The following BMP3 variants were observed in gnomAD, a reference collection of about 807,000 sequenced individuals.
The protein encoded by BMP3 is bone morphogenetic protein 3 (osteogenic).
A neutral mutation model predicts 38.1 loss-of-function variants in BMP3; 23 were observed. The observed-to-expected ratio is 0.60, with a 90% CI of 0.43 to 0.86. The LOEUF (loss-of-function observed/expected upper bound fraction) is 0.86. Ranked by LOEUF, BMP3 falls within the 40% of genes least tolerant of loss-of-function variation. The pLI is 0.00. For synonymous variants in BMP3, 258 were observed against 225.7 expected (o/e 1.14, Z -1.28); for missense variants, 628 against 579.6 (o/e 1.08, Z -0.86).
rs542359942 is a variant in BMP3 at position 81,047,127 on chromosome 4, T to C, written c.1227+479T>C. Among the ~76,000 whole-genome samples, 7 of 152,256 alleles carry C rather than the reference T, an allele frequency of 4.6e-5. No homozygotes were observed. The East Asian group carries it at 9.7e-4, about 21-fold the overall frequency. On this transcript the variant is annotated intron_variant, in intron 2 of 2. Transcript: ENST00000282701. ...AAATACCCTCTTGTGAGCTAAGTTG[T>C]CCCCACAGAGGTCAGGATCAGGATT...
chr4:81,056,129 T>C lies in BMP3; in HGVS notation c.*2593T>C, dbSNP rs1338406556. ...GTTTTACAAATTGTTAGGTACTAGT[T>C]TCTGTATAATTCCTACACAGAAGCT... On this transcript the variant is annotated 3_prime_UTR_variant, in exon 3 of 3. Coordinates refer to ENST00000282701, the MANE Select transcript of BMP3 (RefSeq NM_001201.5). 6.6e-6 allele frequency: 1 copy of C among 152,138 alleles called. No individual in the cohort carries two copies. The highest frequency in any genetic ancestry group is 6.6e-5 in the Admixed American group (1 of 15,258). The allele number at this position is 152,138 out of a possible 1,614,324, so 9.4% of individuals were successfully genotyped here. A position where few individuals can be genotyped will look rare whatever the true frequency, so the allele number is the denominator to read the frequency against.
intron 1 of BMP3, among the ~76,000 whole-genome samples, chr4:81,038,888 G>A (rs1739991694): frequency 6.6e-6 from 1 of 152,198 alleles, no homozygotes; most frequent in South Asian, 2.1e-4. Flanking sequence ...GTCTAGGAAT[G>A]CCTTTGGGCA....
chr4:81,052,842 G>T (rs1007506097), intron 2 of BMP3, among the ~76,000 whole-genome samples: 2 of 152,076 alleles, frequency 1.3e-5, no homozygotes, highest in Non-Finnish European at 2.9e-5. Flanking sequence ...ATATAGCAGT[G>T]GCAATAATGT....
intron 2 of BMP3, among the ~76,000 whole-genome samples, chr4:81,048,246 T>C (rs750076328): frequency 6.6e-6 from 1 of 152,164 alleles, no homozygotes; most frequent in Non-Finnish European, 1.5e-5. Flanking sequence ...ACAACAAAGA[T>C]GACAAATGTA....
chr4:81,047,122 A>C (rs1428445620), intron 2 of BMP3, among the ~76,000 whole-genome samples: 1 of 152,178 alleles, frequency 6.6e-6, no homozygotes, highest in Non-Finnish European at 1.5e-5. Flanking sequence ...TTGTGAGCTA[A>C]GTTGTCCCCA....
At chr4:81,045,563 C>G (rs1168499622) in intron 1 of BMP3, among the ~76,000 whole-genome samples, 175 bp from the exon 2 acceptor site, 1 of 152,142 alleles carries the variant, frequency 6.6e-6, no homozygotes, top group Non-Finnish European at 1.5e-5. Context: ...GGCTTCATAT[C>G]TAAGAAGTCA....
chr4:81,044,505 T>C (rs1285882584), intron 1 of BMP3, among the ~76,000 whole-genome samples: 1 of 152,258 alleles, frequency 6.6e-6, no homozygotes, highest in Admixed American at 6.5e-5. Flanking sequence ...TAACTAATTT[T>C]AAGTAAACAA....
At chr4:81,045,046 C>T (rs992503059) in intron 1 of BMP3, among the ~76,000 whole-genome samples, 1 of 152,196 alleles carries the variant, frequency 6.6e-6, no homozygotes, top group Non-Finnish European at 1.5e-5. Flanking sequence ...GAGTATTCCA[C>T]AGCAGGTGAA....
In BMP3 at chr4:81,046,524, G is replaced by A. The variant is rs768830522; in HGVS notation, c.1103G>A (p.Arg368Gln). Reference sequence around the variant, plus strand: ...AGGAGAAAGCAGTGGATTGAACCTCGGAATTGCGCCAGGAGATACCTCAAG... The same window carrying A: ...AGGAGAAAGCAGTGGATTGAACCTCAGAATTGCGCCAGGAGATACCTCAAG... ...KARRKQWIEP[R>Q]NCARRYLKVD... Residue 368 changes from arginine (R) to glutamine (Q), a missense_variant, in exon 2 of 3, where the codon CGG (arginine) becomes CAG (glutamine). Arg to Gln is a conservative substitution (Grantham distance 43, BLOSUM62 1). Transcript: ENST00000282701. 5 of 1,613,980 alleles carry A rather than the reference G, an allele frequency of 3.1e-6. No individual in the cohort carries two copies. The highest frequency in any genetic ancestry group is 1.7e-5 in the Admixed American group (1 of 59,982).
intron 2 of BMP3, among the ~76,000 whole-genome samples, chr4:81,048,254 G>A (rs1740314705): frequency 6.6e-6 from 1 of 152,180 alleles, no homozygotes; most frequent in Admixed American, 6.5e-5. Flanking sequence ...GATGACAAAT[G>A]TAACAAGCAG....
At chr4:81,031,686 G>A (rs1251883686) in intron 1 of BMP3, 86 bp downstream of exon 1, 2 of 1,417,172 alleles carry the variant, frequency 1.4e-6, no homozygotes, top group Non-Finnish European at 1.9e-6. Context: ...TCTGCCCCTT[G>A]CTTGGTGGCG....
At chr4:81,037,932 C>T (rs1377628204) in intron 1 of BMP3, among the ~76,000 whole-genome samples, 2 of 151,970 alleles carry the variant, frequency 1.3e-5, no homozygotes. Flanking sequence ...ACTAGACCCG[C>T]GGAATCAAAC....
intron 2 of BMP3, among the ~76,000 whole-genome samples, chr4:81,049,123 G>T (rs186563181): frequency 3.6e-4 from 55 of 152,244 alleles, no homozygotes; most frequent in African/African-American, 1.0e-3. Flanking sequence ...AGACAGTAGA[G>T]CACCTTGCAC....
At chr4:81,045,355 C>G (rs1226210977) in intron 1 of BMP3, among the ~76,000 whole-genome samples, 4 of 151,956 alleles carry the variant, frequency 2.6e-5, no homozygotes, top group African/African-American at 7.3e-5. Flanking sequence ...GTTCTGGATA[C>G]TAGATTTATC....
Position 81,046,301 on chromosome 4 carries a change from T to A in BMP3, c.880T>A (p.Leu294Met). The change falls in exon 2 of 3, where the codon TTG (leucine) becomes ATG (methionine). Residue 294 changes from leucine to methionine, a missense_variant. Leu to Met is a conservative substitution (Grantham distance 15). Coordinates refer to ENST00000282701, the MANE Select transcript of BMP3 (RefSeq NM_001201.5). ...GAGGAAGAAGCGCTCTACTGGGGTC[T>A]TGCTGCCTCTGCAGAACAACGAGCT... is the stretch of plus-strand genomic sequence containing the variant. Reference protein sequence around the residue: ...ERRKKRSTGVLLPLQNNELPG... With the variant: ...ERRKKRSTGVMLPLQNNELPG... The A allele has an allele frequency of 6.2e-7, 1 of 1,614,074 alleles. No individual in the cohort carries two copies. The highest frequency in any genetic ancestry group is 1.1e-5 in the South Asian group (1 of 91,082).
rs1269756860 is a variant in BMP3 at position 81,057,614 on chromosome 4, A to G, written c.*4078A>G. ...CATTTAAAAGAGGTAATAAAGCTTAAGCATAGAGTTGAACATTTTCAAATG... is the reference window on the plus strand; with the variant it reads ...CATTTAAAAGAGGTAATAAAGCTTAGGCATAGAGTTGAACATTTTCAAATG... On this transcript the variant is annotated 3_prime_UTR_variant, in exon 3 of 3. Transcript: ENST00000282701. 2 of 152,174 alleles carry G rather than the reference A, an allele frequency of 1.3e-5. No individual in the cohort carries two copies. The allele number at this position is 152,174 out of a possible 1,614,324, so 9.4% of individuals were successfully genotyped here. A position where few individuals can be genotyped will look rare whatever the true frequency, so the allele number is the denominator to read the frequency against.
At chr4:81,051,795 T>G (rs968455018) in intron 2 of BMP3, among the ~76,000 whole-genome samples, 6 of 152,118 alleles carry the variant, frequency 3.9e-5, no homozygotes, top group Admixed American at 6.6e-5. Context: ...TAAAGCTAAT[T>G]AATTCAAAGT....
chr4:81,031,481 G>A lies in BMP3; in HGVS notation c.197G>A (p.Arg66Lys). Reference protein sequence around the residue: ...VSEHMLRLYDRYSTVQAARTP... With the variant: ...VSEHMLRLYDKYSTVQAARTP... ...GAACACATGCTGCGGCTCTATGACAGGTACAGCACGGTCCAGGCGGCCCGG... is the reference window on the plus strand; with the variant it reads ...GAACACATGCTGCGGCTCTATGACAAGTACAGCACGGTCCAGGCGGCCCGG... Residue 66 changes from arginine (R) to lysine (K), a missense_variant, in exon 1 of 3, where the codon AGG (arginine) becomes AAG (lysine). Physicochemically the swap from Arg to Lys is conservative, Grantham distance 26. Transcript: ENST00000282701. 6.2e-7 allele frequency: 1 copy of A among 1,613,256 alleles called. No homozygotes were observed.
At chr4:81,031,933 C>T (rs2109899739) in intron 1 of BMP3, among the ~76,000 whole-genome samples, 1 of 152,212 alleles carries the variant, frequency 6.6e-6, no homozygotes, top group Admixed American at 6.5e-5. Context: ...GACTGGAGCA[C>T]CTCTAGGGTA....
Sources: gnomAD v4.1 joint callset for allele counts (sites outside exome capture counted in the v4.1 genomes callset) on GRCh38, gnomAD v4.1.1 for gene constraint, MANE v1.5 for transcripts, NCBI Gene and HGNC (gene_info 2026-07-23, HGNC 2026-07-21) for gene names.